RBM19: variants seen among roughly 807,000 people sequenced by gnomAD.
The protein encoded by RBM19 is probable RNA-binding protein 19.
Under a neutral mutation model 116.8 loss-of-function variants are expected in RBM19, and 94 were observed. That is an observed-to-expected ratio of 0.80 (90% confidence interval 0.68 to 0.95). The LOEUF (loss-of-function observed/expected upper bound fraction) is 0.95, where lower values mean the gene tolerates loss of function less well. Ranked by LOEUF, RBM19 falls within the 40% of genes least tolerant of loss-of-function variation. The pLI is 0.00. For synonymous variants in RBM19, 475 were observed against 494.1 expected (o/e 0.96, Z 0.51); for missense variants, 1,161 against 1,220.7 (o/e 0.95, Z 0.73).
At chr12:113,824,365 A>G (rs1265896875) in intron 23 of RBM19, among the ~76,000 whole-genome samples, 3 of 152,206 alleles carry the variant, frequency 2.0e-5, no homozygotes, top group African/African-American at 7.2e-5. Flanking sequence ...TGGTGGCAGG[A>G]GAGGACGTGT....
chr12:113,883,666 A>G (rs113965530), intron 21 of RBM19, among the ~76,000 whole-genome samples: 32 of 152,318 alleles, frequency 2.1e-4, no homozygotes, highest in African/African-American at 7.7e-4. Context: ...AGGCCATGAG[A>G]CTGATCAGCG....
chr12:113,918,471 C>T lies in RBM19; in HGVS notation c.2386-24G>A, dbSNP rs775863090. On this transcript the variant is annotated intron_variant, in intron 19 of 23. Coordinates refer to ENST00000261741, the MANE Select transcript of RBM19 (RefSeq NM_016196.4). ...CCCTAAGAGAGAAGACAACATGGCT[C>T]ATCTCTCTGTCCCGAGAAATACTCA... 1.7e-5 allele frequency: 27 copies of T among 1,613,042 alleles called. 1 individual carries two copies. The highest frequency in any genetic ancestry group is 1.6e-4 in the South Asian group (15 of 91,024).
intron 19 of RBM19, 55 bp from the exon 20 acceptor site, chr12:113,918,502 A>G (rs1882921035): frequency 1.3e-6 from 2 of 1,585,074 alleles, no homozygotes; most frequent in African/African-American, 1.3e-5. Flanking sequence ...ACTCACCCGA[A>G]TCCTTGCCCT....
At chr12:113,930,264 C>T (rs1869481955) in intron 16 of RBM19, among the ~76,000 whole-genome samples, 1 of 152,240 alleles carries the variant, frequency 6.6e-6, no homozygotes. Flanking sequence ...CCCGGCGTGG[C>T]ATTCCAGGAG....
chr12:113,832,301 T>G (rs927414574), intron 23 of RBM19, among the ~76,000 whole-genome samples: 1 of 152,092 alleles, frequency 6.6e-6, no homozygotes, highest in Non-Finnish European at 1.5e-5. Context: ...GTGATTCTCC[T>G]GCCTCAGCCT....
intron 21 of RBM19, among the ~76,000 whole-genome samples, chr12:113,889,805 T>C (rs1479993119): frequency 7.2e-5 from 11 of 151,862 alleles, no homozygotes; most frequent in African/African-American, 2.7e-4. Flanking sequence ...GAAACACATG[T>C]GGAACGATTT....
At chr12:113,927,483 G>A (rs972899583) in intron 16 of RBM19, 7 of 442,782 alleles carry the variant, frequency 1.6e-5, no homozygotes, top group Non-Finnish European at 2.4e-5. Flanking sequence ...CTCAAATGGA[G>A]CCTTAAACAG....
chr12:113,862,279 T>C (rs1049165372), intron 21 of RBM19, among the ~76,000 whole-genome samples: 3 of 152,194 alleles, frequency 2.0e-5, no homozygotes, highest in East Asian at 1.9e-4. Flanking sequence ...GACTTGCCCA[T>C]GTCTCATGGC....
chr12:113,950,521 T>G (rs1871380659), intron 8 of RBM19, among the ~76,000 whole-genome samples: 1 of 152,126 alleles, frequency 6.6e-6, no homozygotes, highest in Non-Finnish European at 1.5e-5. Flanking sequence ...ACCTAGGCGC[T>G]GGAAGCACCT....
At position 113,822,213 on chromosome 12, in the gene RBM19, G is replaced by A. The variant is rs1005534214; in HGVS notation, c.*1011C>T. On this transcript the variant is annotated 3_prime_UTR_variant, in exon 24 of 24. Coordinates refer to ENST00000261741, the MANE Select transcript of RBM19 (RefSeq NM_016196.4). ...CTGAGGTCGCACCTCGGGGAATGGC[G>A]ATGTCTAGATTCAGACTGCAGTGAG... The A allele has an allele frequency of 1.3e-5, 2 of 152,260 alleles. No individual in the cohort carries two copies. Among genetic ancestry groups the A allele is most frequent in the Admixed American group, 6.5e-5 (1 of 15,284 alleles). The allele number at this position is 152,260 out of a possible 1,614,324, so 9.4% of individuals were successfully genotyped here. A position where few individuals can be genotyped will look rare whatever the true frequency, so the allele number is the denominator to read the frequency against.
At chr12:113,940,191 C>A (rs1358988726) in intron 14 of RBM19, 31 bp from the exon 15 acceptor site, 6 of 1,594,166 alleles carry the variant, frequency 3.8e-6, no homozygotes, top group Non-Finnish European at 5.1e-6. Flanking sequence ...CACATGGGAC[C>A]ACAGGAGGGA....
chr12:113,946,048 T>C (rs1870992409), intron 12 of RBM19, 124 bp from the exon 13 acceptor site: 1 of 899,784 alleles, frequency 1.1e-6, no homozygotes, highest in Non-Finnish European at 1.7e-6. Context: ...CCAATTTCCC[T>C]ATCATGGGCT....
chr12:113,944,494 C>T (rs1261035197), intron 13 of RBM19, among the ~76,000 whole-genome samples: 3 of 152,012 alleles, frequency 2.0e-5, no homozygotes, highest in African/African-American at 7.3e-5. Context: ...ACAAAGTATA[C>T]TTTGTACTTC....
chr12:113,862,130 T>C (rs898226767), intron 21 of RBM19, among the ~76,000 whole-genome samples: 2 of 152,212 alleles, frequency 1.3e-5, no homozygotes, highest in African/African-American at 4.8e-5. Flanking sequence ...CTGAAATGCA[T>C]GGATGAGGCT....
rs1264512527 is a variant in RBM19, at chr12:113,878,666, CA to C, written c.2559-19771del. Among the ~76,000 whole-genome samples the C allele has an allele frequency of 6.7e-3, 1,003 of 150,000 alleles. 15 individuals carry two copies. The highest frequency in any genetic ancestry group is 0.024 in the African/African-American group (968 of 39,668). On this transcript the variant is annotated intron_variant, in intron 21 of 23. Transcript: ENST00000261741. ...ACACACACACACACACACACACACA[CA>C]CACACCCTCACTCAGCAAACGTCCC...
rs940052319 is a variant in RBM19, at chr12:113,898,751, G to T, written c.2558+16218C>A. Among the ~76,000 whole-genome samples the T allele has an allele frequency of 1.3e-5, 2 of 152,162 alleles. No individual in the cohort carries two copies. The highest frequency in any genetic ancestry group is 2.9e-5 in the Non-Finnish European group (2 of 68,030). Reference sequence around the variant, plus strand: ...CTGCATTAGTATTACTGACGTAAAAGAACCGAAACAGATTATAGATCTGGA... The same window carrying T: ...CTGCATTAGTATTACTGACGTAAAATAACCGAAACAGATTATAGATCTGGA... On this transcript the variant is annotated intron_variant, in intron 21 of 23. Coordinates refer to ENST00000261741, the MANE Select transcript of RBM19 (RefSeq NM_016196.4). The surrounding 1 kb of genome is among the most constrained non-coding windows in gnomAD (Gnocchi z 4.3).
chr12:113,922,787 T>C (rs943085134), intron 18 of RBM19, among the ~76,000 whole-genome samples: 11 of 152,130 alleles, frequency 7.2e-5, no homozygotes, highest in African/African-American at 2.7e-4. Context: ...ACCCCCAGTA[T>C]CTCAGATGTG....
chr12:113,907,697 C>T (rs1039835522), intron 21 of RBM19, among the ~76,000 whole-genome samples: 18 of 152,126 alleles, frequency 1.2e-4, no homozygotes, highest in African/African-American at 4.3e-4. Flanking sequence ...GCCACAAACC[C>T]CGTTTTCTGA....
At chr12:113,850,779 AGG>A (rs1593481584) in intron 22 of RBM19, among the ~76,000 whole-genome samples, 2 of 152,184 alleles carry the variant, frequency 1.3e-5, no homozygotes, top group East Asian at 1.9e-4. Flanking sequence ...TCTGCTCCTC[AGG>A]GAGCTGTCCC....
Sources: allele counts gnomAD v4.1 joint callset (sites outside exome capture counted in the v4.1 genomes callset), GRCh38; gene constraint gnomAD v4.1.1; non-coding constraint Gnocchi (gnomAD v3.1); transcripts MANE v1.5; gene names NCBI Gene and HGNC (gene_info 2026-07-23, HGNC 2026-07-21).